NR3C2: variants seen among roughly 807,000 people sequenced by gnomAD.
The protein encoded by NR3C2 is nuclear receptor subfamily 3 group C member 2.
Under a neutral mutation model 86.4 loss-of-function variants are expected in NR3C2, and 15 were observed. The observed-to-expected ratio is 0.17, with a 90% CI of 0.12 to 0.27. The LOEUF is 0.27. NR3C2 is among the 10% of genes least tolerant of loss of function. The probability of loss-of-function intolerance (pLI) is 1.00; values close to 1 mark genes in which losing one functional copy is unlikely to be tolerated. For synonymous variants in NR3C2, 458 were observed against 450.5 expected (o/e 1.02, Z -0.21); for missense variants, 960 against 1,195.6 (o/e 0.80, Z 2.91).
chr4:148,304,486 A>C (rs775066506), intron 2 of NR3C2, among the ~76,000 whole-genome samples: 29 of 151,292 alleles, frequency 1.9e-4, no homozygotes, highest in Non-Finnish European at 3.2e-4. Flanking sequence ...AGGACATTAA[A>C]CTCCAAAGCG....
intron 2 of NR3C2, among the ~76,000 whole-genome samples, chr4:148,359,679 A>G (rs573303133): frequency 6.6e-6 from 1 of 152,304 alleles, no homozygotes; most frequent in South Asian, 2.1e-4. Flanking sequence ...CACTTTCTCC[A>G]TATTTTATGG....
intron 1 of NR3C2, among the ~76,000 whole-genome samples, chr4:148,440,720 C>G (rs1158598968): frequency 6.6e-6 from 1 of 152,208 alleles, no homozygotes. Context: ...ATGCTGTTTT[C>G]ACAAAGGAAA....
chr4:148,268,450 T>C (rs770820153), intron 2 of NR3C2, among the ~76,000 whole-genome samples: 43 of 152,208 alleles, frequency 2.8e-4, no homozygotes, highest in African/African-American at 3.6e-4. Flanking sequence ...AATTAAAGAA[T>C]TGATGTACAC....
chr4:148,193,920 C>T (rs1423796465), intron 4 of NR3C2, among the ~76,000 whole-genome samples: 1 of 152,172 alleles, frequency 6.6e-6, no homozygotes, highest in Non-Finnish European at 1.5e-5. Flanking sequence ...TGAATAATCT[C>T]CCATCCCTCC....
intron 2 of NR3C2, among the ~76,000 whole-genome samples, chr4:148,377,565 T>C (rs1746742096): frequency 6.6e-6 from 1 of 152,092 alleles, no homozygotes; most frequent in African/African-American, 2.4e-5. Flanking sequence ...AGCAAAGCAG[T>C]AGGCAGCTGG....
chr4:148,391,709 A>G (rs895527222), intron 2 of NR3C2, among the ~76,000 whole-genome samples: 4 of 152,032 alleles, frequency 2.6e-5, no homozygotes, highest in Non-Finnish European at 5.9e-5. Context: ...TCTACTAAAA[A>G]TACAAAAATT....
At chr4:148,387,337 C>G (rs1285191032) in intron 2 of NR3C2, among the ~76,000 whole-genome samples, 1 of 152,140 alleles carries the variant, frequency 6.6e-6, no homozygotes, top group Non-Finnish European at 1.5e-5. Flanking sequence ...TCAGATCCAA[C>G]GACATTACAA....
chr4:148,091,430 G>GC (rs1469448365), intron 8 of NR3C2, among the ~76,000 whole-genome samples: 1 of 152,242 alleles, frequency 6.6e-6, no homozygotes, highest in African/African-American at 2.4e-5. Flanking sequence ...ACAGTGCAGA[G>GC]CCCCATCTCA....
chr4:148,165,977 A>T (rs1734860163), intron 4 of NR3C2, among the ~76,000 whole-genome samples: 1 of 152,224 alleles, frequency 6.6e-6, no homozygotes. Flanking sequence ...AAAATTAAAT[A>T]GGCCCGAGGA....
chr4:148,115,648 C>A (rs887647675), intron 7 of NR3C2, among the ~76,000 whole-genome samples: 2 of 152,178 alleles, frequency 1.3e-5, no homozygotes, highest in Admixed American at 6.5e-5. Flanking sequence ...AACCCTGTTA[C>A]CCTACAAAAA....
chr4:148,320,037 T>C (rs1486488944), intron 2 of NR3C2, among the ~76,000 whole-genome samples: 1 of 144,498 alleles, frequency 6.9e-6, no homozygotes, highest in Non-Finnish European at 1.5e-5. Flanking sequence ...TCCTATTATT[T>C]TGAAATACGT....
intron 2 of NR3C2, among the ~76,000 whole-genome samples, chr4:148,434,711 C>T (rs1403969748): frequency 1.3e-5 from 2 of 151,986 alleles, no homozygotes; most frequent in African/African-American, 4.8e-5. Context: ...GGACTAAGAC[C>T]ACAAATAAAC....
intron 2 of NR3C2, among the ~76,000 whole-genome samples, chr4:148,375,711 T>TA (rs970831706): frequency 1.5e-4 from 22 of 151,630 alleles, no homozygotes; most frequent in South Asian, 2.1e-4. Context: ...TTTCTTGAAT[T>TA]AAAAAAAACA....
At chr4:148,263,484 T>C (rs1316201469) in intron 2 of NR3C2, among the ~76,000 whole-genome samples, 1 of 152,206 alleles carries the variant, frequency 6.6e-6, no homozygotes, top group Non-Finnish European at 1.5e-5. Flanking sequence ...TCCATAACTC[T>C]AGCTTTTCCT....
At chr4:148,240,461 C>T in intron 3 of NR3C2, among the ~76,000 whole-genome samples, 1 of 151,746 alleles carries the variant, frequency 6.6e-6, no homozygotes, top group Non-Finnish European at 1.5e-5. Flanking sequence ...ATCATAAGGC[C>T]ATCAGAATAC....
intron 2 of NR3C2, among the ~76,000 whole-genome samples, chr4:148,373,464 G>A (rs911231960): frequency 6.8e-6 from 1 of 146,990 alleles, no homozygotes. Context: ...TTGAACTAAA[G>A]GATGACTTTT....
intron 8 of NR3C2, among the ~76,000 whole-genome samples, chr4:148,101,056 G>A (rs532068986): frequency 1.3e-5 from 2 of 152,182 alleles, no homozygotes; most frequent in African/African-American, 4.8e-5. Flanking sequence ...TTTTAGTTTT[G>A]CAGGACAAAG....
At chr4:148,279,264 T>G (rs1236214663) in intron 2 of NR3C2, among the ~76,000 whole-genome samples, 1 of 152,198 alleles carries the variant, frequency 6.6e-6, no homozygotes, top group Non-Finnish European at 1.5e-5. Flanking sequence ...TCTTGGCTTG[T>G]GAAATAGGTA....
At chr4:148,432,653 T>C (rs1477322875) in intron 2 of NR3C2, among the ~76,000 whole-genome samples, 4 of 152,180 alleles carry the variant, frequency 2.6e-5, no homozygotes, top group Admixed American at 1.3e-4. Context: ...TGATATTTAA[T>C]TCATTAACCT....
Sources: allele counts gnomAD v4.1 joint callset (sites outside exome capture counted in the v4.1 genomes callset), GRCh38; gene constraint gnomAD v4.1.1; transcripts MANE v1.5; gene names NCBI Gene and HGNC (gene_info 2026-07-23, HGNC 2026-07-21).